PGD: variants seen among roughly 807,000 people sequenced by gnomAD.
The protein encoded by PGD is 6-phosphogluconate dehydrogenase, decarboxylating.
In PGD, 21 loss-of-function variants were observed where a neutral mutation model predicts 60.4. The observed-to-expected ratio is 0.35, with a 90% CI of 0.25 to 0.50. PGD has a LOEUF of 0.50. PGD is among the 20% of genes least tolerant of loss of function. PGD has a pLI of 0.98. For missense variants in PGD, 477 were observed against 613.1 expected, an observed-to-expected ratio of 0.78 and a Z score of 2.34; for synonymous variants, 230 against 235.9, an observed-to-expected ratio of 0.97 and a Z score of 0.23.
chr1:10,412,699 T>C (rs1417228184), intron 7 of PGD: 2 of 192,218 alleles, frequency 1.0e-5, no homozygotes, highest in Non-Finnish European at 2.2e-5. Context: ...GAAATAAATA[T>C]ACAATATCAA....
At chr1:10,401,704 G>A (rs1343419576) in intron 3 of PGD, among the ~76,000 whole-genome samples, 1 of 152,180 alleles carries the variant, frequency 6.6e-6, no homozygotes, top group East Asian at 1.9e-4. Flanking sequence ...AGCCTTGTAG[G>A]GGGAAGATTG....
At chr1:10,410,638 C>T (rs1004724095) in intron 6 of PGD, among the ~76,000 whole-genome samples, 1 of 151,996 alleles carries the variant, frequency 6.6e-6, no homozygotes, top group Non-Finnish European at 1.5e-5. Context: ...TGGCTCTCGT[C>T]ACTCCCTTTG....
chr1:10,399,954 A>G (rs1639287776), intron 2 of PGD: 2 of 572,116 alleles, frequency 3.5e-6, no homozygotes, highest in South Asian at 2.0e-5. Flanking sequence ...TAGTGTCTTA[A>G]GTAGAGAAGA....
intron 4 of PGD, among the ~76,000 whole-genome samples, chr1:10,403,589 T>TAAAAAA (rs1431124770): frequency 2.1e-5 from 1 of 46,540 alleles, no homozygotes; most frequent in Non-Finnish European, 3.9e-5. Context: ...AAACTCCATC[T>TAAAAAA]GAAAAAAAAA....
In PGD at chr1:10,419,705, A is replaced by G. The variant is rs1254963955; in HGVS notation, c.1408A>G (p.Thr470Ala). Residue 470 changes from threonine (T) to alanine (A), a missense_variant, in exon 13 of 13, where the codon ACA (threonine) becomes GCA (alanine). By Grantham distance (58) the Thr-to-Ala change is moderately conservative (BLOSUM62 0). Transcript: ENST00000270776. ...AGGGCAGTTTATCCACACCAACTGGACAGGCCATGGTGGCACCGTGTCATC... is the reference window on the plus strand; with the variant it reads ...AGGGCAGTTTATCCACACCAACTGGGCAGGCCATGGTGGCACCGTGTCATC... ...KPGQFIHTNW[T>A]GHGGTVSSSS... The G allele has an allele frequency of 3.7e-6, 6 of 1,614,082 alleles. No individual in the cohort carries two copies. Among genetic ancestry groups the G allele is most frequent in the Non-Finnish European group, 4.2e-6 (5 of 1,180,046 alleles).
chr1:10,402,035 T>C (rs114968182), intron 3 of PGD, among the ~76,000 whole-genome samples: 5 of 150,766 alleles, frequency 3.3e-5, no homozygotes, highest in Admixed American at 1.3e-4. Context: ...ATAAATTAAT[T>C]AATTAATTAA....
intron 5 of PGD, among the ~76,000 whole-genome samples, chr1:10,405,272 C>T (rs966647945): frequency 2.6e-5 from 4 of 151,528 alleles, no homozygotes; most frequent in Admixed American, 6.6e-5. Context: ...ACTTGGGAGG[C>T]TGAGACAGGA....
At position 10,413,274 on chromosome 1, in the gene PGD, G is replaced by A. The variant is rs778287826; in HGVS notation, c.844+23G>A. The A allele has an allele frequency of 1.3e-5, 21 of 1,601,918 alleles. No homozygotes were observed. In the African/African-American group the frequency reaches 2.1e-4, roughly 16 times the overall value. On this transcript the variant is annotated intron_variant, in intron 8 of 12. Coordinates refer to ENST00000270776, the MANE Select transcript of PGD (RefSeq NM_002631.4). The stretch of plus-strand genomic sequence containing the variant: ...TTGGTAATGTTATGCTTTTCACATG[G>A]GCCCTTTCGTCCACTATTCTGATCT...
At chr1:10,404,045 C>T (rs1557759877) in intron 4 of PGD, 116 bp from the exon 5 acceptor site, 1 of 729,824 alleles carries the variant, frequency 1.4e-6, no homozygotes, top group Admixed American at 2.4e-5. Flanking sequence ...GTAGGCTCTC[C>T]ATTCCTATCT....
chr1:10,408,479 G>C (rs897931461), intron 6 of PGD, among the ~76,000 whole-genome samples: 1 of 152,188 alleles, frequency 6.6e-6, no homozygotes, highest in Middle Eastern at 3.2e-3. Context: ...AGAATCAAAA[G>C]TGGCGTTTGC....
At chr1:10,407,962 AAG>A in intron 5 of PGD, 107 bp from the exon 6 acceptor site, 1 of 721,778 alleles carries the variant, frequency 1.4e-6, no homozygotes, top group Non-Finnish European at 2.5e-6. Context: ...AAAAAAAAAA[AAG>A]AAAGGAAAAG....
chr1:10,409,363 G>A (rs1035594176), intron 6 of PGD, among the ~76,000 whole-genome samples: 10 of 152,152 alleles, frequency 6.6e-5, no homozygotes, highest in African/African-American at 2.4e-4. Flanking sequence ...GGTAGAAAGA[G>A]GCTGGTGCTG....
chr1:10,417,241 G>A, intron 9 of PGD, 124 bp downstream of exon 9: 2 of 1,440,432 alleles, frequency 1.4e-6, no homozygotes, highest in Non-Finnish European at 1.9e-6. Context: ...GCCTTGACTT[G>A]GATCTTGACT....
At chr1:10,402,805 G>A (rs1269017930) in intron 3 of PGD, among the ~76,000 whole-genome samples, 1 of 151,972 alleles carries the variant, frequency 6.6e-6, no homozygotes, top group Non-Finnish European at 1.5e-5. Flanking sequence ...TAACAGGCGT[G>A]AGCCACCGCG....
intron 11 of PGD, among the ~76,000 whole-genome samples, 157 bp from the exon 12 acceptor site, chr1:10,419,260 G>A (rs931009165): frequency 2.7e-5 from 4 of 150,458 alleles, no homozygotes; most frequent in South Asian, 2.1e-4. Context: ...CTCGTGATCC[G>A]CCCACCTCAG....
intron 8 of PGD, among the ~76,000 whole-genome samples, chr1:10,413,678 G>A (rs1284000391): frequency 1.3e-5 from 2 of 152,128 alleles, no homozygotes; most frequent in African/African-American, 2.4e-5. Context: ...GGCCGAGGCG[G>A]GTGGATCATG....
At chr1:10,408,889 G>A (rs4845934) in intron 6 of PGD, among the ~76,000 whole-genome samples, 44,732 of 152,144 alleles carry the variant, frequency 0.29, 6,691 homozygotes, top group Admixed American at 0.34. Flanking sequence ...GAGGTTACAG[G>A]CATGCGCCAC....
chr1:10,400,638 C>A, intron 3 of PGD, 66 bp downstream of exon 3: 2 of 1,283,058 alleles, frequency 1.6e-6, no homozygotes, highest in Non-Finnish European at 1.1e-6. Context: ...TCCTTTAGTT[C>A]TCCTTCTTTT....
chr1:10,407,253 G>A (rs1349073190), intron 5 of PGD, among the ~76,000 whole-genome samples: 2 of 152,182 alleles, frequency 1.3e-5, no homozygotes, highest in African/African-American at 4.8e-5. Flanking sequence ...CTCAACACCA[G>A]CCTGGGCAAC....
Sources: gnomAD v4.1 joint callset for allele counts (sites outside exome capture counted in the v4.1 genomes callset) on GRCh38, gnomAD v4.1.1 for gene constraint, MANE v1.5 for transcripts, NCBI Gene and HGNC (gene_info 2026-07-23, HGNC 2026-07-21) for gene names.